The following WDR19 variants were observed in gnomAD, a reference collection of about 807,000 sequenced individuals.
WDR19 encodes WD repeat domain 19.
In WDR19, 121 loss-of-function variants were observed where a neutral mutation model predicts 180.0. That is an observed-to-expected ratio of 0.67 (90% confidence interval 0.58 to 0.78). The LOEUF (loss-of-function observed/expected upper bound fraction) is 0.78. Among genes scored for constraint, WDR19 ranks in the 30% least tolerant of loss-of-function variants. The pLI, the probability that WDR19 is intolerant of heterozygous loss-of-function variation, is 0.00. For synonymous variants in WDR19, 497 were observed against 540.7 expected (o/e 0.92, Z 1.12); for missense variants, 1,450 against 1,640.7 (o/e 0.88, Z 2.01).
intron 36 of WDR19, among the ~76,000 whole-genome samples, chr4:39,280,702 A>G (rs922611738): frequency 6.6e-6 from 1 of 151,344 alleles, no homozygotes; most frequent in Non-Finnish European, 1.5e-5. Context: ...TGCAGCTGTT[A>G]TCCCAGCTAC....
At chr4:39,191,756 A>G (rs1284018784) in intron 4 of WDR19, among the ~76,000 whole-genome samples, 6 of 152,220 alleles carry the variant, frequency 3.9e-5, no homozygotes, top group Non-Finnish European at 8.8e-5. Context: ...AGTACTAGGT[A>G]TCCTACTCAG....
rs1456695602 is a variant in WDR19 at position 39,217,245 on chromosome 4, G to A, written c.1356+5G>A. 6.3e-7 allele frequency: 1 copy of A among 1,581,560 alleles called. No homozygotes were observed. ...GGCAAAGTCCAGTTACATTTGGTAAGTATAATTTTGATGTCCTGGAGACGC... is the reference window on the plus strand; with the variant it reads ...GGCAAAGTCCAGTTACATTTGGTAAATATAATTTTGATGTCCTGGAGACGC... On this transcript the variant is annotated splice_donor_5th_base_variant and intron_variant, in intron 13 of 36. Transcript: ENST00000399820.
chr4:39,283,143 C>T (rs1030636901), intron 36 of WDR19, among the ~76,000 whole-genome samples: 1 of 152,108 alleles, frequency 6.6e-6, no homozygotes, highest in Non-Finnish European at 1.5e-5. Context: ...TGGAAGTTTC[C>T]TTCTAGTTTA....
At chr4:39,188,063 C>A (rs1169139404) in intron 3 of WDR19, among the ~76,000 whole-genome samples, 1 of 151,476 alleles carries the variant, frequency 6.6e-6, no homozygotes, top group Non-Finnish European at 1.5e-5. Flanking sequence ...ATTTAATACC[C>A]AAGAATGAAA....
Position 39,228,963 on chromosome 4 carries a change from C to T in WDR19, c.1982+273C>T, listed in dbSNP as rs1030032220. On this transcript the variant is annotated intron_variant, in intron 17 of 36. Coordinates refer to ENST00000399820, the MANE Select transcript of WDR19 (RefSeq NM_025132.4). ...ATCCCTCAACCCTGTCTCACCATCC[C>T]GCCTTTTGGAGTTGCCAGTATCTAT... 4.6e-5 allele frequency among the ~76,000 whole-genome samples: 7 copies of T among 152,228 alleles called. No homozygotes were observed. The East Asian group carries it at 5.8e-4, about 13-fold the overall frequency.
chr4:39,231,127 C>T (rs1244854348), intron 17 of WDR19, among the ~76,000 whole-genome samples: 5 of 151,824 alleles, frequency 3.3e-5, no homozygotes, highest in East Asian at 1.9e-4. Context: ...CTGGCTAACA[C>T]GATGAAACCC....
At chr4:39,213,703 AAC>A (rs776232590) in intron 9 of WDR19, among the ~76,000 whole-genome samples, 7 of 152,164 alleles carry the variant, frequency 4.6e-5, no homozygotes, top group Non-Finnish European at 7.4e-5. Context: ...AAAGTTACTA[AAC>A]ACACACACTG....
At chr4:39,205,825 C>A (rs943230638) in intron 9 of WDR19, 89 bp downstream of exon 9, 3 of 1,220,382 alleles carry the variant, frequency 2.5e-6, no homozygotes, top group African/African-American at 1.5e-5. Flanking sequence ...ATGAATCTGG[C>A]AATCATGTTT....
At chr4:39,183,250 C>CTTTTT (rs113490249) in intron 1 of WDR19, among the ~76,000 whole-genome samples, 23,612 of 78,236 alleles carry the variant, frequency 0.3, 6,554 homozygotes, top group African/African-American at 0.34. Context: ...AAATGGAAGG[C>CTTTTT]TTTTTTTTTT....
At chr4:39,270,496 C>T (rs1735251456) in intron 31 of WDR19, among the ~76,000 whole-genome samples, 1 of 152,194 alleles carries the variant, frequency 6.6e-6, no homozygotes, top group East Asian at 1.9e-4. Flanking sequence ...CTGCCTCAGC[C>T]TTCCAAGTAG....
chr4:39,249,450 C>T (rs564472077), intron 24 of WDR19, among the ~76,000 whole-genome samples: 10,525 of 151,804 alleles, frequency 0.069, 1,102 homozygotes, highest in African/African-American at 0.24. Flanking sequence ...GAAGCAAGAG[C>T]AAACACATTC....
intron 24 of WDR19, among the ~76,000 whole-genome samples, chr4:39,246,228 G>A (rs1322025284): frequency 6.6e-6 from 1 of 152,218 alleles, no homozygotes; most frequent in Non-Finnish European, 1.5e-5. Context: ...CTTTTGGGCT[G>A]GGCGTGGTGG....
intron 31 of WDR19, among the ~76,000 whole-genome samples, chr4:39,272,698 C>A (rs1426678224): frequency 6.6e-6 from 1 of 152,194 alleles, no homozygotes; most frequent in African/African-American, 2.4e-5. Flanking sequence ...GTTGGTCCCC[C>A]AAGAATGGCC....
At position 39,205,725 on chromosome 4, in the gene WDR19, T is replaced by C. The variant is rs1727882119; in HGVS notation, c.879T>C (p.Cys293=). Reference sequence around the variant, plus strand: ...AGACTCTTAACAAAGTTGCTACATGTGGAGATAACTGGTAAGTTATTTTCA... The same window carrying C: ...AGACTCTTAACAAAGTTGCTACATGCGGAGATAACTGGTAAGTTATTTTCA... The part of the protein sequence containing the change: ...VSQTLNKVAT[C]GDNCIKIQDL... The change falls in exon 9 of 37, where the codon TGT becomes TGC. Residue 293 remains cysteine, a synonymous_variant. Transcript: ENST00000399820. 3 of 1,598,990 alleles carry C rather than the reference T, an allele frequency of 1.9e-6. No individual in the cohort carries two copies. The highest frequency in any genetic ancestry group is 2.6e-6 in the Non-Finnish European group (3 of 1,172,202).
At chr4:39,220,744 G>A (rs978882369) in intron 14 of WDR19, among the ~76,000 whole-genome samples, 156 of 150,114 alleles carry the variant, frequency 1.0e-3, no homozygotes, top group African/African-American at 3.4e-3. Flanking sequence ...TCCTGACCTC[G>A]TGATCCACCC....
chr4:39,222,722 G>A (rs929320028), intron 14 of WDR19, among the ~76,000 whole-genome samples: 1 of 152,070 alleles, frequency 6.6e-6, no homozygotes, highest in Admixed American at 6.5e-5. Context: ...TAAACTTTCT[G>A]TTTTGAGATC....
At chr4:39,185,496 G>A (rs1481568970) in intron 1 of WDR19, among the ~76,000 whole-genome samples, 1 of 151,948 alleles carries the variant, frequency 6.6e-6, no homozygotes, top group East Asian at 1.9e-4. Flanking sequence ...TAAAATAAAA[G>A]CCCTCCTATA....
chr4:39,272,026 A>T (rs1735426279), intron 31 of WDR19, among the ~76,000 whole-genome samples: 1 of 152,328 alleles, frequency 6.6e-6, no homozygotes, highest in South Asian at 2.1e-4. Context: ...AGGGAAATGC[A>T]TCTGGAGTTA....
chr4:39,215,933 A>T lies in WDR19; in HGVS notation c.1054A>T (p.Ile352Leu). Residue 352 changes from isoleucine (I) to leucine (L), a missense_variant, in exon 11 of 37, where the codon ATA (isoleucine) becomes TTA (leucine). Transcript: ENST00000399820. ...TCATGTTTTCCTGACCAAGCTTCCC[A>T]TACTTGGGGATGCCTGCAGCACAAG... ...SLHVFLTKLPILGDACSTRIA... is the reference protein window; with the variant it reads ...SLHVFLTKLPLLGDACSTRIA... The T allele has an allele frequency of 6.2e-7, 1 of 1,613,744 alleles. No homozygotes were observed. Among genetic ancestry groups the T allele is most frequent in the Non-Finnish European group, 8.5e-7 (1 of 1,179,764 alleles).
Sources: gnomAD v4.1 joint callset for allele counts (sites outside exome capture counted in the v4.1 genomes callset) on GRCh38, gnomAD v4.1.1 for gene constraint, MANE v1.5 for transcripts, NCBI Gene and HGNC (gene_info 2026-07-23, HGNC 2026-07-21) for gene names.